SPAG16: variants seen among roughly 807,000 people sequenced by gnomAD.
The protein encoded by SPAG16 is sperm-associated antigen 16 protein.
In SPAG16, 86 loss-of-function variants were observed where a neutral mutation model predicts 80.4. That is an observed-to-expected ratio of 1.07 (90% CI 0.90 to 1.28). SPAG16 has a LOEUF of 1.28. SPAG16 is among the 50% of genes most tolerant of loss of function. The pLI, the probability that SPAG16 is intolerant of heterozygous loss-of-function variation, is 0.00. For missense variants in SPAG16, 870 were observed against 765.3 expected (o/e 1.14, Z -1.61); for synonymous variants, 294 against 265.9 (o/e 1.11, Z -1.03).
intron 15 of SPAG16, among the ~76,000 whole-genome samples, chr2:214,190,232 G>A (rs2057618719): frequency 6.6e-6 from 1 of 150,916 alleles, no homozygotes; most frequent in South Asian, 2.1e-4. Context: ...TACTCTTGGA[G>A]TGAAAGGTAG....
At chr2:213,405,837 T>C (rs2068582552) in intron 9 of SPAG16, among the ~76,000 whole-genome samples, 2 of 152,204 alleles carry the variant, frequency 1.3e-5, no homozygotes, top group East Asian at 3.8e-4. Flanking sequence ...TTATTCAGAA[T>C]TAAAGTATTT....
intron 14 of SPAG16, among the ~76,000 whole-genome samples, chr2:214,121,173 C>T (rs1375430699): frequency 6.6e-6 from 1 of 151,694 alleles, no homozygotes; most frequent in Non-Finnish European, 1.5e-5. Context: ...CACTATGTAG[C>T]ATAGTTTGTT....
At chr2:213,379,673 A>G (rs1276469617) in intron 9 of SPAG16, among the ~76,000 whole-genome samples, 2 of 152,224 alleles carry the variant, frequency 1.3e-5, no homozygotes, top group Non-Finnish European at 2.9e-5. Flanking sequence ...GAGGTCCAGT[A>G]TAATCAATCT....
intron 13 of SPAG16, 143 bp downstream of exon 13, chr2:214,014,220 G>C: frequency 9.6e-7 from 1 of 1,037,060 alleles, no homozygotes; most frequent in South Asian, 1.8e-5. Flanking sequence ...ATAATTACAA[G>C]ATCCTTTCTA....
chr2:213,463,417 C>T (rs1214454295), intron 9 of SPAG16, among the ~76,000 whole-genome samples: 6 of 152,190 alleles, frequency 3.9e-5, no homozygotes, highest in African/African-American at 9.7e-5. Flanking sequence ...TCTTGGCAGC[C>T]CCTCCCATTA....
At chr2:213,912,074 T>A (rs1445563274) in intron 11 of SPAG16, among the ~76,000 whole-genome samples, 3 of 152,166 alleles carry the variant, frequency 2.0e-5, no homozygotes, top group Non-Finnish European at 2.9e-5. Flanking sequence ...ATTTTACTGA[T>A]AATTAAAAGT....
chr2:213,946,718 A>G (rs2079492915), intron 12 of SPAG16, among the ~76,000 whole-genome samples: 1 of 152,158 alleles, frequency 6.6e-6, no homozygotes, highest in South Asian at 2.1e-4. Flanking sequence ...GATTTTTGGT[A>G]TGTGTGTGTA....
chr2:213,686,638 T>C (rs2064686200), intron 10 of SPAG16, among the ~76,000 whole-genome samples: 1 of 151,664 alleles, frequency 6.6e-6, no homozygotes, highest in Non-Finnish European at 1.5e-5. Context: ...CACTTACATT[T>C]AATGTGACTA....
chr2:213,898,365 C>G (rs868266545), intron 11 of SPAG16, among the ~76,000 whole-genome samples: 2 of 152,112 alleles, frequency 1.3e-5, no homozygotes, highest in African/African-American at 2.4e-5. Flanking sequence ...ACACAGAAAA[C>G]TAAATGCTTA....
intron 7 of SPAG16, among the ~76,000 whole-genome samples, chr2:213,361,110 C>A (rs371606223): frequency 6.6e-6 from 1 of 151,544 alleles, no homozygotes; most frequent in African/African-American, 2.4e-5. Context: ...GACAAAAATC[C>A]GATAGGAAAT....
At chr2:213,505,849 G>T (rs954832050) in intron 10 of SPAG16, among the ~76,000 whole-genome samples, 4 of 151,974 alleles carry the variant, frequency 2.6e-5, no homozygotes, top group African/African-American at 9.7e-5. Flanking sequence ...GCTTTATGCA[G>T]TTAAGACCTT....
chr2:214,060,354 T>C (rs2050191609), intron 13 of SPAG16, among the ~76,000 whole-genome samples: 3 of 152,170 alleles, frequency 2.0e-5, no homozygotes, highest in Non-Finnish European at 4.4e-5. Context: ...ATATTGTTTA[T>C]TTTGAATAAT....
intron 13 of SPAG16, among the ~76,000 whole-genome samples, chr2:214,076,951 G>A (rs2051111420): frequency 6.6e-6 from 1 of 152,086 alleles, no homozygotes; most frequent in Non-Finnish European, 1.5e-5. Context: ...TATATATGAT[G>A]GACTTTGGAA....
intron 9 of SPAG16, among the ~76,000 whole-genome samples, chr2:213,430,824 G>T (rs1018401321): frequency 3.9e-5 from 6 of 152,012 alleles, no homozygotes; most frequent in African/African-American, 1.4e-4. Context: ...TCTAAAATCA[G>T]CAAGAGAAAA....
chr2:213,671,614 A>C (rs1054911392), intron 10 of SPAG16, among the ~76,000 whole-genome samples: 22 of 152,106 alleles, frequency 1.4e-4, no homozygotes, highest in African/African-American at 5.1e-4. Context: ...TATTGCTCTA[A>C]ATAACTTAAT....
chr2:213,804,682 CAACTAACTAACTAACTAACTAACT>C lies in SPAG16; in HGVS notation c.1071-57776_1071-57753del, dbSNP rs75058174. On this transcript the variant is annotated intron_variant, in intron 10 of 15. Transcript: ENST00000331683. ...TGGGCGACAGAGCGAGACTCCGTCT[CAACTAACTAACTAACTAACTAACT>C]AACTAACTAACTAACTAACTAACTA... 1.6e-3 allele frequency among the ~76,000 whole-genome samples: 235 copies of C among 148,726 alleles called. 3 individuals are homozygous for C. Among genetic ancestry groups the C allele is most frequent in the African/African-American group, 5.7e-3 (228 of 39,846 alleles).
chr2:213,361,873 A>G (rs1559454808), intron 7 of SPAG16, among the ~76,000 whole-genome samples: 1 of 151,260 alleles, frequency 6.6e-6, no homozygotes, highest in Non-Finnish European at 1.5e-5. Flanking sequence ...GAATTTGCTG[A>G]GGAGAGCTGC....
At chr2:213,484,959 A>G (rs900037348) in intron 9 of SPAG16, among the ~76,000 whole-genome samples, 6 of 150,182 alleles carry the variant, frequency 4.0e-5, no homozygotes, top group Non-Finnish European at 7.4e-5. Context: ...TTTTTATCTG[A>G]TTGCTGTTAG....
intron 10 of SPAG16, among the ~76,000 whole-genome samples, chr2:213,683,149 C>G (rs76763725): frequency 0.049 from 7,450 of 152,150 alleles, 600 homozygotes; most frequent in African/African-American, 0.17. Flanking sequence ...ATAAGTAAAA[C>G]TCAAAGAATT....
Sources: gnomAD v4.1 joint callset for allele counts (sites outside exome capture counted in the v4.1 genomes callset) on GRCh38, gnomAD v4.1.1 for gene constraint, MANE v1.5 for transcripts, NCBI Gene and HGNC (gene_info 2026-07-23, HGNC 2026-07-21) for gene names.